PAM16: variants seen among roughly 807,000 people sequenced by gnomAD.
PAM16 encodes presequence translocase associated motor 16, also known as mitochondrial import inner membrane translocase subunit TIM16.
In PAM16, 11 loss-of-function variants were observed where a neutral mutation model predicts 17.9. The observed-to-expected ratio is 0.62, with a 90% confidence interval of 0.39 to 1.02. The LOEUF is 1.02. Among genes scored for constraint, PAM16 ranks in the 50% least tolerant of loss-of-function variants. PAM16 has a pLI of 0.01. For synonymous variants in PAM16, 72 were observed against 67.4 expected (o/e 1.07, Z -0.34); for missense variants, 199 against 165.4 (o/e 1.20, Z -1.11).
At chr16:4,341,649 G>A (rs1234673217) in intron 2 of PAM16, 145 bp from the exon 3 acceptor site, 3 of 1,372,238 alleles carry the variant, frequency 2.2e-6, no homozygotes, top group Admixed American at 2.5e-5. Context: ...CTCCAGGAGT[G>A]GTTTCCTTTT....
chr16:4,346,789 G>T (rs1200491568), intron 1 of PAM16: 1 of 151,996 alleles, frequency 6.6e-6, no homozygotes, highest in Non-Finnish European at 1.5e-5. Context: ...GTTCAATCTC[G>T]GCTCATTGCA....
At chr16:4,344,948 G>C (rs1179809607) in intron 1 of PAM16, among the ~76,000 whole-genome samples, 2 of 152,116 alleles carry the variant, frequency 1.3e-5, no homozygotes, top group Middle Eastern at 3.4e-3. Flanking sequence ...GGACTGGGTT[G>C]AGCCAAAACT....
chr16:4,346,083 A>C, intron 1 of PAM16: 2 of 563,276 alleles, frequency 3.6e-6, no homozygotes, highest in Non-Finnish European at 4.5e-6. Context: ...CACACTTCAA[A>C]CCAAAGCGGC....
intron 1 of PAM16, among the ~76,000 whole-genome samples, chr16:4,349,740 C>T (rs768243139): frequency 3.3e-5 from 5 of 152,004 alleles, no homozygotes; most frequent in African/African-American, 4.8e-5. Context: ...GCATCCTAGC[C>T]GGGGCGACAG....
chr16:4,343,690 C>G, intron 1 of PAM16: 3 of 578,358 alleles, frequency 5.2e-6, no homozygotes, highest in Middle Eastern at 4.8e-4. Flanking sequence ...GACCATCACT[C>G]TTCCTGAGTT....
At chr16:4,341,857 TGA>T (rs1010732578) in intron 2 of PAM16, among the ~76,000 whole-genome samples, 7 of 152,164 alleles carry the variant, frequency 4.6e-5, no homozygotes, top group Non-Finnish European at 5.9e-5. Flanking sequence ...GCTGCGGGCA[TGA>T]GAGGGCTCTG....
chr16:4,350,476 T>C (rs954433137), intron 1 of PAM16, among the ~76,000 whole-genome samples: 4 of 151,912 alleles, frequency 2.6e-5, no homozygotes, highest in Admixed American at 1.3e-4. Flanking sequence ...TCTCGGCTCA[T>C]TGCAACCTCT....
At chr16:4,342,950 T>A (rs1035920636) in intron 2 of PAM16, among the ~76,000 whole-genome samples, 3 of 152,112 alleles carry the variant, frequency 2.0e-5, no homozygotes, top group Non-Finnish European at 4.4e-5. Context: ...AGAGTGAGAC[T>A]CCATCTCCAA....
At chr16:4,344,952 CA>C (rs1041769599) in intron 1 of PAM16, among the ~76,000 whole-genome samples, 5 of 151,926 alleles carry the variant, frequency 3.3e-5, no homozygotes, top group African/African-American at 1.2e-4. Flanking sequence ...TGGGTTGAGC[CA>C]AAACTGGCAG....
chr16:4,341,614 G>A, intron 2 of PAM16, 110 bp from the exon 3 acceptor site: 2 of 1,464,316 alleles, frequency 1.4e-6, no homozygotes, highest in Admixed American at 2.3e-5. Flanking sequence ...GAGACACAGG[G>A]ACAGGTGGCT....
intron 1 of PAM16, chr16:4,347,204 T>C (rs2053772273): frequency 6.6e-6 from 1 of 152,206 alleles, no homozygotes; most frequent in African/African-American, 2.4e-5. Context: ...GGATGTGATA[T>C]GGGCCATTAG....
intron 1 of PAM16, chr16:4,348,037 G>C (rs1401505082): frequency 1.3e-5 from 2 of 152,218 alleles, no homozygotes; most frequent in Non-Finnish European, 2.9e-5. Flanking sequence ...TTGAGGCCAA[G>C]CCCCAGGCTC....
chr16:4,350,296 ATGTG>A (rs201469434), intron 1 of PAM16, among the ~76,000 whole-genome samples: 41 of 149,690 alleles, frequency 2.7e-4, no homozygotes, highest in African/African-American at 9.1e-4. Context: ...TGTATATATT[ATGTG>A]TGTGTGTGTG....
intron 1 of PAM16, 187 bp from the exon 2 acceptor site, chr16:4,343,478 C>T (rs2053683792): frequency 2.1e-6 from 3 of 1,431,132 alleles, no homozygotes; most frequent in Non-Finnish European, 9.1e-7. Flanking sequence ...GGCTTAGTTA[C>T]TCACTGGACA....
At chr16:4,347,825 G>C (rs1408102251) in intron 1 of PAM16, 1 of 152,214 alleles carries the variant, frequency 6.6e-6, no homozygotes, top group East Asian at 1.9e-4. Flanking sequence ...AGGCCACGCG[G>C]CTGTCAGAGA....
intron 1 of PAM16, chr16:4,346,868 C>T (rs2053767288): frequency 6.6e-6 from 1 of 152,152 alleles, no homozygotes; most frequent in Admixed American, 6.5e-5. Flanking sequence ...TACAGGTGAA[C>T]ACAACCAAGC....
In PAM16 at chr16:4,340,974, G is replaced by C; in HGVS notation, c.237C>G (p.His79Gln). The C allele has an allele frequency of 6.2e-7, 1 of 1,613,630 alleles. No individual in the cohort carries two copies. Among genetic ancestry groups the C allele is most frequent in the African/African-American group, 1.3e-5 (1 of 75,062 alleles). The change falls in exon 4 of 5, where the codon CAC (histidine) becomes CAG (glutamine). Residue 79 changes from histidine (H) to glutamine (Q), a missense_variant. Transcript: ENST00000318059. ...CGGATTTATCATTCACCTTAAATAA[G>C]TGTTCATAGTTCTGCAGAGGAGAGG... ...SPEEVQKNYE[H>Q]LFKVNDKSVG... is the part of the protein sequence containing the mutation.
At chr16:4,343,582 C>T in intron 1 of PAM16, 1 of 1,383,864 alleles carries the variant, frequency 7.2e-7, no homozygotes. Context: ...GGCAAAGTGG[C>T]TGCAACCACC....
At chr16:4,343,355 G>A (rs2053680836) in intron 1 of PAM16, 64 bp from the exon 2 acceptor site, 4 of 1,541,818 alleles carry the variant, frequency 2.6e-6, no homozygotes, top group Non-Finnish European at 3.5e-6. Flanking sequence ...GATGGGCCCT[G>A]GAAACGGCTG....
Sources: allele counts gnomAD v4.1 joint callset (sites outside exome capture counted in the v4.1 genomes callset), GRCh38; gene constraint gnomAD v4.1.1; transcripts MANE v1.5; gene names NCBI Gene and HGNC (gene_info 2026-07-23, HGNC 2026-07-21).